The following PARD6B variants were observed in gnomAD, a reference collection of about 807,000 sequenced individuals.
The protein encoded by PARD6B is par-6 family cell polarity regulator beta.
PARD6B carries 4 observed loss-of-function variants against 10.5 expected under a neutral mutation model. That is an observed-to-expected ratio of 0.38 (90% CI 0.19 to 0.87). The LOEUF (loss-of-function observed/expected upper bound fraction) is 0.87. PARD6B is among the 40% of genes least tolerant of loss of function. The probability of loss-of-function intolerance (pLI) is 0.41; values close to 1 mark genes in which losing one functional copy is unlikely to be tolerated. For synonymous variants in PARD6B, 169 were observed against 170.4 expected (o/e 0.99, Z 0.07); for missense variants, 396 against 470.6 (o/e 0.84, Z 1.47).
chr20:50,749,672 C>T lies in PARD6B; in HGVS notation c.303C>T (p.Tyr101=). The T allele has an allele frequency of 1.4e-5, 23 of 1,586,614 alleles. No individual in the cohort carries two copies. Among genetic ancestry groups the T allele is most frequent in the Non-Finnish European group, 1.9e-5 (22 of 1,171,046 alleles). The stretch of plus-strand genomic sequence containing the variant: ...ATTTTTAAACAGAAGAAGCAGACTA[C>T]AGTGCCTTTGGTACAGACACGCTAA... ...IFIQKKEEAD[Y]SAFGTDTLIK... The change falls in exon 3 of 3, where the codon TAC becomes TAT. Residue 101 remains tyrosine (Y), a synonymous_variant. Transcript: ENST00000371610.
chr20:50,735,112 T>A (rs2087492721), intron 1 of PARD6B, among the ~76,000 whole-genome samples: 1 of 151,170 alleles, frequency 6.6e-6, no homozygotes. Flanking sequence ...ATTGCGCCAC[T>A]GCACTTCAGA....
At chr20:50,735,144 T>G (rs980767281) in intron 1 of PARD6B, among the ~76,000 whole-genome samples, 2 of 152,074 alleles carry the variant, frequency 1.3e-5, no homozygotes, top group Non-Finnish European at 2.9e-5. Context: ...AGAGGGAGAC[T>G]CTGTCTCAAA....
In PARD6B at chr20:50,750,185, C is replaced by T; in HGVS notation, c.816C>T (p.Ser272=). The change falls in exon 3 of 3, where the codon AGC becomes AGT. Residue 272 remains serine, a synonymous_variant. Transcript: ENST00000371610. ...GTTCCGGTCAGTCTACTGATAACAGCCTTCTTGGCTACCCACAGCAGATTG... is the reference window on the plus strand; with the variant it reads ...GTTCCGGTCAGTCTACTGATAACAGTCTTCTTGGCTACCCACAGCAGATTG... ...SGSSGQSTDN[S]LLGYPQQIEP... The T allele has an allele frequency of 1.9e-6, 3 of 1,614,196 alleles. No homozygotes were observed. The highest frequency in any genetic ancestry group is 2.5e-6 in the Non-Finnish European group (3 of 1,180,038).
intron 1 of PARD6B, among the ~76,000 whole-genome samples, chr20:50,735,908 G>A (rs1044032091): frequency 1.3e-5 from 2 of 152,214 alleles, no homozygotes; most frequent in African/African-American, 2.4e-5. Context: ...GCAACTTCAT[G>A]TTGTGATACC....
intron 1 of PARD6B, among the ~76,000 whole-genome samples, chr20:50,734,927 A>G (rs1416113313): frequency 6.6e-6 from 1 of 152,128 alleles, no homozygotes; most frequent in African/African-American, 2.4e-5. Context: ...AGGTGGGCGG[A>G]TCACCTGAGG....
intron 1 of PARD6B, 124 bp downstream of exon 1, chr20:50,731,976 G>A (rs1418695531): frequency 2.3e-5 from 18 of 781,698 alleles, no homozygotes; most frequent in Non-Finnish European, 2.8e-5. Context: ...TGGACGGTGC[G>A]GTCGGGAGAC....
At chr20:50,745,830 G>A (rs996495733) in intron 2 of PARD6B, among the ~76,000 whole-genome samples, 2 of 152,172 alleles carry the variant, frequency 1.3e-5, no homozygotes, top group African/African-American at 2.4e-5. Flanking sequence ...TGGATTGTCT[G>A]TGGCTGCTTT....
At chr20:50,749,590 A>G (rs1275875158) in intron 2 of PARD6B, 69 bp from the exon 3 acceptor site, 58 of 1,302,740 alleles carry the variant, frequency 4.5e-5, no homozygotes, top group Non-Finnish European at 5.6e-5. Flanking sequence ...CTTTCTGTAC[A>G]GATTCAGCTG....
intron 1 of PARD6B, among the ~76,000 whole-genome samples, chr20:50,732,204 C>A (rs543980012): frequency 4.5e-4 from 68 of 152,338 alleles, no homozygotes; most frequent in Non-Finnish European, 8.2e-4. Context: ...GAGAATCCTG[C>A]CTGCTGGGCT....
At position 50,750,555 on chromosome 20, in the gene PARD6B, G is replaced by T; in HGVS notation, c.*67G>T. ...ACTTGTACATTTGGCTAGTTTAAAAGCATATATACCTCTGACCAGTGACGT... is the reference window on the plus strand; with the variant it reads ...ACTTGTACATTTGGCTAGTTTAAAATCATATATACCTCTGACCAGTGACGT... On this transcript the variant is annotated 3_prime_UTR_variant, in exon 3 of 3. Coordinates refer to ENST00000371610, the MANE Select transcript of PARD6B (RefSeq NM_032521.3). The T allele has an allele frequency of 6.5e-7, 1 of 1,533,746 alleles. No individual in the cohort carries two copies. The highest frequency in any genetic ancestry group is 8.7e-7 in the Non-Finnish European group (1 of 1,145,168).
rs1600820938 is a variant in PARD6B, at chr20:50,750,761, C to T, written c.*273C>T. 2.5e-6 allele frequency: 3 copies of T among 1,199,100 alleles called. No individual in the cohort carries two copies. 74.3% of individuals were successfully genotyped at this position (1,199,100 alleles called of 1,614,324 possible). On this transcript the variant is annotated 3_prime_UTR_variant, in exon 3 of 3. Coordinates refer to ENST00000371610, the MANE Select transcript of PARD6B (RefSeq NM_032521.3). ...CTGTGGAGAATCAGATGTTAAAGCA[C>T]ATTCTTGGAACTATGTGAGAAGACT...
At chr20:50,737,820 T>C in intron 1 of PARD6B, 37 bp from the exon 2 acceptor site, 1 of 1,368,746 alleles carries the variant, frequency 7.3e-7, no homozygotes, top group Non-Finnish European at 9.6e-7. Context: ...TTTACTTTTT[T>C]TTTTTTTTTT....
Position 50,749,688 on chromosome 20 carries a change from G to A in PARD6B, c.319G>A (p.Asp107Asn). The change falls in exon 3 of 3, where the codon GAC becomes AAC. Residue 107 changes from aspartate (D) to asparagine (N), a missense_variant. Coordinates refer to ENST00000371610, the MANE Select transcript of PARD6B (RefSeq NM_032521.3). ...AGCAGACTACAGTGCCTTTGGTACA[G>A]ACACGCTAATAAAGAAGAAGAATGT... is the stretch of plus-strand genomic sequence containing the variant. ...EEADYSAFGT[D>N]TLIKKKNVLT... 6.2e-7 allele frequency: 1 copy of A among 1,608,524 alleles called. No individual in the cohort carries two copies. The highest frequency in any genetic ancestry group is 8.5e-7 in the Non-Finnish European group (1 of 1,178,326).
chr20:50,741,405 TCCACCTTCCCA>T (rs1005557071), intron 2 of PARD6B, among the ~76,000 whole-genome samples: 2 of 152,104 alleles, frequency 1.3e-5, no homozygotes, highest in African/African-American at 4.8e-5. Context: ...ACTAAAGCCC[TCCACCTTCCCA>T]CCTTTACCAC....
At position 50,747,325 on chromosome 20, in the gene PARD6B, CAA is replaced by C. The variant is rs201700759; in HGVS notation, c.290-2333_290-2332del. ...AGCAATGAGGGGGTTTAGGATTAAA[CAA>C]GAGAATATGAGTTGAAGCGCTATAC... On this transcript the variant is annotated intron_variant, in intron 2 of 2. Coordinates refer to ENST00000371610, the MANE Select transcript of PARD6B (RefSeq NM_032521.3). 2.7e-3 allele frequency among the ~76,000 whole-genome samples: 409 copies of C among 152,176 alleles called. 1 individual carries two copies. The highest frequency in any genetic ancestry group is 0.014 in the Middle Eastern group (4 of 294).
rs2087614982 is a variant in PARD6B at position 50,752,047 on chromosome 20, T to C, written c.*1559T>C. 1 of 985,276 alleles carries C rather than the reference T, an allele frequency of 1.0e-6. No homozygotes were observed. The highest frequency in any genetic ancestry group is 4.7e-5 in the South Asian group (1 of 21,290). The allele number at this position is 985,276 out of a possible 1,614,324, so 61.0% of individuals were successfully genotyped here. A position where few individuals can be genotyped will look rare whatever the true frequency, so the allele number is the denominator to read the frequency against. ...ACTTTGCAACAGTTGTTCAAATTGGTGTTTGTCCTTCCTATAGCTTTCATA... is the reference window on the plus strand; with the variant it reads ...ACTTTGCAACAGTTGTTCAAATTGGCGTTTGTCCTTCCTATAGCTTTCATA... On this transcript the variant is annotated 3_prime_UTR_variant, in exon 3 of 3. Transcript: ENST00000371610.
At position 50,751,844 on chromosome 20, in the gene PARD6B, G is replaced by A; in HGVS notation, c.*1356G>A. The A allele has an allele frequency of 1.1e-6, 1 of 880,292 alleles. No homozygotes were observed. Among genetic ancestry groups the A allele is most frequent in the Non-Finnish European group, 1.4e-6 (1 of 735,646 alleles). 54.5% of individuals were successfully genotyped at this position (880,292 alleles called of 1,614,324 possible). On this transcript the variant is annotated 3_prime_UTR_variant, in exon 3 of 3. Coordinates refer to ENST00000371610, the MANE Select transcript of PARD6B (RefSeq NM_032521.3). ...AGCCTTCTGAGTAGCTAAGATTACA[G>A]GTGTGCGCCAACACGTCTGGCTTAT...
chr20:50,744,484 A>G (rs1242808565), intron 2 of PARD6B, among the ~76,000 whole-genome samples: 2 of 152,154 alleles, frequency 1.3e-5, no homozygotes, highest in East Asian at 3.9e-4. Flanking sequence ...GCTTTGTAGA[A>G]AAACCAAATG....
chr20:50,749,541 A>G (rs2087587884), intron 2 of PARD6B, 118 bp from the exon 3 acceptor site: 3 of 880,914 alleles, frequency 3.4e-6, no homozygotes, highest in Non-Finnish European at 5.0e-6. Flanking sequence ...TAAGCTTATT[A>G]GCTAGTTTGT....
Sources: gnomAD v4.1 joint callset for allele counts (sites outside exome capture counted in the v4.1 genomes callset) on GRCh38, gnomAD v4.1.1 for gene constraint, MANE v1.5 for transcripts, NCBI Gene and HGNC (gene_info 2026-07-23, HGNC 2026-07-21) for gene names.